The following REPS1 variants were observed in gnomAD, a reference collection of about 807,000 sequenced individuals.
REPS1 encodes RALBP1 associated Eps domain containing 1.
In REPS1, 39 loss-of-function variants were observed where a neutral mutation model predicts 100.9. The ratio of observed to expected loss-of-function variants is 0.39; its 90% confidence interval spans 0.30 to 0.50. REPS1 has a LOEUF of 0.50. Ranked by LOEUF, REPS1 falls within the 20% of genes least tolerant of loss-of-function variation. The pLI, the probability that REPS1 is intolerant of heterozygous loss-of-function variation, is 0.86. For missense variants in REPS1, 821 were observed against 968.5 expected (o/e 0.85, Z 2.02); for synonymous variants, 324 against 340.3 (o/e 0.95, Z 0.53).
At chr6:138,983,359 G>A (rs892500876) in intron 1 of REPS1, among the ~76,000 whole-genome samples, 1 of 152,152 alleles carries the variant, frequency 6.6e-6, no homozygotes, top group Non-Finnish European at 1.5e-5. Context: ...GGAGGCTGAG[G>A]CAGAAGAATC....
chr6:138,967,227 G>A (rs1435790745), intron 1 of REPS1, among the ~76,000 whole-genome samples: 1 of 152,166 alleles, frequency 6.6e-6, no homozygotes. Flanking sequence ...AGAACTGTAA[G>A]AAATAAACTT....
intron 10 of REPS1, among the ~76,000 whole-genome samples, chr6:138,921,567 CTTTTTTTTTTT>C (rs755518526): frequency 6.1e-4 from 35 of 57,688 alleles, no homozygotes; most frequent in African/African-American, 1.7e-3. Flanking sequence ...TAGGAGGATC[CTTTTTTTTTTT>C]TTTTTTTTTT....
intron 19 of REPS1, among the ~76,000 whole-genome samples, chr6:138,905,756 T>C (rs1212675886): frequency 6.6e-6 from 1 of 152,176 alleles, no homozygotes; most frequent in Non-Finnish European, 1.5e-5. Context: ...CGCCCCCTGG[T>C]AGATGAATTT....
Position 138,944,564 on chromosome 6 carries a change from G to A in REPS1, c.687C>T (p.Asn229=). The change falls in exon 5 of 20, where the codon AAC becomes AAT. Residue 229 remains asparagine, a synonymous_variant. Transcript: ENST00000450536. ...SGHSPPPPQE[N]WVSFADTPPT... is the part of the protein sequence containing the mutation. ...GTGGAGTATCTGCAAAACTGACCCA[G>A]TTTTCTTGAGGTGGAGGTGGGGAAT... 6.2e-7 allele frequency: 1 copy of A among 1,614,010 alleles called. No homozygotes were observed. The highest frequency in any genetic ancestry group is 1.1e-5 in the South Asian group (1 of 91,078).
At chr6:138,929,211 C>T (rs1212335075) in intron 9 of REPS1, 1 of 152,148 alleles carries the variant, frequency 6.6e-6, no homozygotes, top group Non-Finnish European at 1.5e-5. Flanking sequence ...CTCTAATAGG[C>T]TACAGCAATG....
intron 1 of REPS1, among the ~76,000 whole-genome samples, chr6:138,952,969 C>A (rs1783135585): frequency 6.6e-6 from 1 of 151,828 alleles, no homozygotes; most frequent in Non-Finnish European, 1.5e-5. Context: ...TCCCAAGTAG[C>A]TGGGATTACA....
intron 10 of REPS1, among the ~76,000 whole-genome samples, chr6:138,926,100 A>C (rs1781100606): frequency 6.6e-6 from 1 of 152,242 alleles, no homozygotes; most frequent in Admixed American, 6.5e-5. Flanking sequence ...AACAGTATGT[A>C]TATAAAATAT....
intron 19 of REPS1, among the ~76,000 whole-genome samples, chr6:138,907,111 C>G (rs576921690): frequency 8.6e-5 from 13 of 152,042 alleles, no homozygotes; most frequent in Admixed American, 6.6e-5. Context: ...GAAATTGCTG[C>G]CACTTCTCTT....
At chr6:138,932,565 TA>T (rs1272664008) in intron 8 of REPS1, among the ~76,000 whole-genome samples, 1 of 152,050 alleles carries the variant, frequency 6.6e-6, no homozygotes, top group African/African-American at 2.4e-5. Context: ...ATCTCAGCCC[TA>T]AAAACACATC....
chr6:138,926,481 G>A lies in REPS1; in HGVS notation c.1258C>T (p.Gln420Ter). 6.2e-7 allele frequency: 1 copy of A among 1,604,082 alleles called. No homozygotes were observed. Residue 420 changes from glutamine (Q) to a stop codon, truncating the protein, a stop_gained and splice_region_variant, in exon 10 of 20, where the codon CAG becomes TAG. Transcript: ENST00000450536. LOFTEE classifies it high-confidence loss of function. ...TWPELNQSSE[Q>*]WETFSERSSS... ...GAGCGTTCACTAAATGTCTCCCACTGCTGAACAGACAGAGGAGAGACAAGT... is the reference window on the plus strand; with the variant it reads ...GAGCGTTCACTAAATGTCTCCCACTACTGAACAGACAGAGGAGAGACAAGT...
chr6:138,941,628 T>C, intron 7 of REPS1, 139 bp from the exon 8 acceptor site: 1 of 776,758 alleles, frequency 1.3e-6, no homozygotes, highest in Non-Finnish European at 2.1e-6. Flanking sequence ...CAGAAAGATG[T>C]GTAATATAGC....
intron 8 of REPS1, among the ~76,000 whole-genome samples, chr6:138,936,632 T>C (rs539348440): frequency 2.8e-4 from 24 of 85,292 alleles, no homozygotes; most frequent in Non-Finnish European, 5.3e-4. Context: ...TGGGGGGGGG[T>C]AGAGGTGGGA....
chr6:138,909,101 C>T (rs567775231), intron 17 of REPS1, among the ~76,000 whole-genome samples: 51 of 152,256 alleles, frequency 3.3e-4, no homozygotes, highest in African/African-American at 1.2e-3. Flanking sequence ...AAATATGATA[C>T]AGAATCAATA....
intron 16 of REPS1, 45 bp from the exon 17 acceptor site, chr6:138,911,416 A>G (rs374104722): frequency 2.6e-6 from 3 of 1,164,224 alleles, no homozygotes; most frequent in Non-Finnish European, 3.9e-6. Context: ...CATAACATGT[A>G]ATTATGCATA....
intron 1 of REPS1, among the ~76,000 whole-genome samples, chr6:138,966,267 T>A (rs1300071138): frequency 1.3e-5 from 2 of 151,980 alleles, no homozygotes; most frequent in African/African-American, 4.8e-5. Context: ...ATTTCTGGTA[T>A]ATATTTGTTA....
chr6:138,906,954 G>C (rs956266760), intron 19 of REPS1, among the ~76,000 whole-genome samples: 1 of 152,064 alleles, frequency 6.6e-6, no homozygotes, highest in East Asian at 1.9e-4. Context: ...GTAAGTAAGA[G>C]TAATTTTTAT....
intron 10 of REPS1, among the ~76,000 whole-genome samples, chr6:138,925,761 A>C (rs1281480160): frequency 6.6e-6 from 1 of 152,198 alleles, no homozygotes; most frequent in Non-Finnish European, 1.5e-5. Flanking sequence ...AACCCAAGGG[A>C]CAGGTGTAGC....
intron 8 of REPS1, among the ~76,000 whole-genome samples, chr6:138,939,558 C>G (rs907013551): frequency 6.6e-6 from 1 of 152,110 alleles, no homozygotes; most frequent in African/African-American, 2.4e-5. Flanking sequence ...CAGAATCAGA[C>G]AAGCCTCTAC....
At chr6:138,974,092 T>C (rs1289550480) in intron 1 of REPS1, among the ~76,000 whole-genome samples, 1 of 152,052 alleles carries the variant, frequency 6.6e-6, no homozygotes, top group Non-Finnish European at 1.5e-5. Context: ...ACAGCAGCTG[T>C]TGAATGGTGT....
Sources: gnomAD v4.1 joint callset for allele counts (sites outside exome capture counted in the v4.1 genomes callset) on GRCh38, gnomAD v4.1.1 for gene constraint, MANE v1.5 for transcripts, NCBI Gene and HGNC (gene_info 2026-07-23, HGNC 2026-07-21) for gene names.